The following RYR1 variants were observed in gnomAD, a reference collection of about 807,000 sequenced individuals.
The protein encoded by RYR1 is ryanodine receptor 1.
A neutral mutation model predicts 583.5 loss-of-function variants in RYR1; 342 were observed. The observed-to-expected ratio is 0.59, with a 90% CI of 0.54 to 0.64. The LOEUF (loss-of-function observed/expected upper bound fraction) is 0.64, where lower values mean the gene tolerates loss of function less well. RYR1 is among the 30% of genes least tolerant of loss of function. The pLI is 0.00. For missense variants in RYR1, 6,032 were observed against 6,917.2 expected (o/e 0.87, Z 4.54); for synonymous variants, 2,791 against 2,822.5 (o/e 0.99, Z 0.35).
At chr19:38,474,922 G>A (rs113748571) in intron 28 of RYR1, among the ~76,000 whole-genome samples, 5 of 152,242 alleles carry the variant, frequency 3.3e-5, no homozygotes, top group African/African-American at 1.2e-4. Context: ...GGGAGGGGCT[G>A]CTGCTGCTGG....
chr19:38,460,293 G>T (rs1967656131), intron 19 of RYR1, 82 bp from the exon 20 acceptor site: 5 of 1,282,706 alleles, frequency 3.9e-6, no homozygotes, highest in Non-Finnish European at 5.7e-6. Flanking sequence ...TTGATCCCAG[G>T]ACTGCTTCCA....
Position 38,510,529 on chromosome 19 carries a change from G to T in RYR1, c.8964G>T (p.Lys2988Asn). The T allele has an allele frequency of 6.2e-7, 1 of 1,614,156 alleles. No individual in the cohort carries two copies. Among genetic ancestry groups the T allele is most frequent in the Non-Finnish European group, 8.5e-7 (1 of 1,180,042 alleles). The change falls in exon 59 of 106, where the codon AAG becomes AAT. Residue 2988 changes from lysine to asparagine, a missense_variant. Lys to Asn is a moderately conservative substitution (Grantham distance 94, BLOSUM62 0). Around this residue, in one of 11 missense-constraint regions of RYR1, gnomAD observed 1,493 missense variants for 1,715.5 expected, o/e 0.87. Transcript: ENST00000359596. The part of the protein sequence containing the change: ...EAVVSSGRVE[K>N]SPHEQEIKFF... ...TGGTCAGCAGTGGGCGAGTGGAAAA[G>T]TCCCCACATGAACAGGAGATTAAAT...
In RYR1 at chr19:38,585,933, C is replaced by G; in HGVS notation, c.14804-5C>G. On this transcript the variant is annotated splice_polypyrimidine_tract_variant and splice_region_variant and intron_variant, in intron 102 of 105. Coordinates refer to ENST00000359596, the MANE Select transcript of RYR1 (RefSeq NM_000540.3). The stretch of plus-strand genomic sequence containing the variant: ...CGGGCACTGACTTGTGTCCTGCCAC[C>G]CCAGGTCTGATCATCGACGCTTTTG... The G allele has an allele frequency of 1.2e-6, 2 of 1,613,890 alleles. No homozygotes were observed. Among genetic ancestry groups the G allele is most frequent in the Non-Finnish European group, 1.7e-6 (2 of 1,179,986 alleles).
chr19:38,474,274 CT>C (rs565024935), intron 28 of RYR1, among the ~76,000 whole-genome samples: 35 of 147,268 alleles, frequency 2.4e-4, no homozygotes, highest in Admixed American at 4.8e-4. Context: ...TTCTTTCTAT[CT>C]TTTTTTTTTT....
chr19:38,456,078 T>A (rs758152608), intron 16 of RYR1, among the ~76,000 whole-genome samples: 5 of 150,054 alleles, frequency 3.3e-5, no homozygotes, highest in Admixed American at 2.7e-4. Context: ...TTCAAGCGAT[T>A]CTCCTGCCTC....
intron 65 of RYR1, 146 bp downstream of exon 65, chr19:38,516,363 G>C (rs1308399592): frequency 1.1e-6 from 1 of 891,734 alleles, no homozygotes; most frequent in Non-Finnish European, 1.7e-6. Context: ...ACACATTCAG[G>C]AACCCCAGAG....
chr19:38,526,294 C>T (rs1440221115), intron 71 of RYR1, among the ~76,000 whole-genome samples: 3 of 151,986 alleles, frequency 2.0e-5, no homozygotes, highest in Non-Finnish European at 4.4e-5. Context: ...TTCAGGGACT[C>T]TAAGGAACCC....
chr19:38,474,707 T>A (rs1968624479), intron 28 of RYR1, among the ~76,000 whole-genome samples: 1 of 151,274 alleles, frequency 6.6e-6, no homozygotes. Context: ...CTTGAGTATC[T>A]GGGACTACAG....
At position 38,485,891 on chromosome 19, in the gene RYR1, C is replaced by T. The variant is rs776001584; in HGVS notation, c.5236C>T (p.Leu1746Phe). 1 of 1,613,788 alleles carries T rather than the reference C, an allele frequency of 6.2e-7. No individual in the cohort carries two copies. The highest frequency in any genetic ancestry group is 8.5e-7 in the Non-Finnish European group (1 of 1,179,958). ...PLTPETRAIT[L>F]FPPGRSTENG... ...CACGCCTGAGACCCGCGCCATCACG[C>T]TCTTCCCTCCTGGAAGGAGCACAGA... Residue 1746 changes from leucine to phenylalanine, a missense_variant, in exon 34 of 106, where the codon CTC (leucine) becomes TTC (phenylalanine). Around this residue, in one of 11 missense-constraint regions of RYR1, gnomAD observed 2,627 missense variants for 2,961.3 expected, o/e 0.89. Coordinates refer to ENST00000359596, the MANE Select transcript of RYR1 (RefSeq NM_000540.3).
In RYR1 at chr19:38,452,009, C is replaced by A. The variant is rs1600665526; in HGVS notation, c.1244+124C>A. 8.1e-6 allele frequency: 11 copies of A among 1,362,770 alleles called. No individual in the cohort carries two copies. The East Asian group carries it at 2.6e-4, about 32-fold the overall frequency. The allele number at this position is 1,362,770 out of a possible 1,614,324, so 84.4% of individuals were successfully genotyped here. Reference sequence around the variant, plus strand: ...CACCCTTGTCTAACATATACATGGGCCAAGCGCAGTGGCTCACACCTGTAA... The same window carrying A: ...CACCCTTGTCTAACATATACATGGGACAAGCGCAGTGGCTCACACCTGTAA... On this transcript the variant is annotated intron_variant, in intron 12 of 105. Coordinates refer to ENST00000359596, the MANE Select transcript of RYR1 (RefSeq NM_000540.3).
chr19:38,516,486 CA>C (rs1195467376), intron 65 of RYR1, among the ~76,000 whole-genome samples: 2 of 152,126 alleles, frequency 1.3e-5, no homozygotes, highest in African/African-American at 2.4e-5. Flanking sequence ...ACTTGGTGGC[CA>C]GGCGCAGTGG....
Position 38,580,396 on chromosome 19 carries a change from G to C in RYR1, c.14538G>C (p.Ala4846=), listed in dbSNP as rs763954439. The C allele has an allele frequency of 1.1e-4, 170 of 1,614,046 alleles. No homozygotes were observed. The highest frequency in any genetic ancestry group is 1.3e-4 in the Non-Finnish European group (158 of 1,180,044). ...TGGTGATGACCGTGGGCCTTCTGGC[G>C]GTGGTCGTCTACCTGTACACCGTGG... is the stretch of plus-strand genomic sequence containing the variant. The part of the protein sequence containing the change: ...KQLVMTVGLL[A]VVVYLYTVVA... Residue 4846 remains alanine (A), a synonymous_variant, in exon 101 of 106, where the codon GCG becomes GCC. Transcript: ENST00000359596.
At chr19:38,486,300 A>G (rs988118426) in intron 34 of RYR1, 98 bp downstream of exon 34, 58 of 1,432,236 alleles carry the variant, frequency 4.0e-5, no homozygotes, top group Non-Finnish European at 5.2e-5. Flanking sequence ...TATGCATCCA[A>G]CCACCCATTC....
At chr19:38,527,538 C>G in intron 72 of RYR1, 109 bp from the exon 73 acceptor site, 1 of 1,373,620 alleles carries the variant, frequency 7.3e-7, no homozygotes, top group Non-Finnish European at 1.0e-6. Flanking sequence ...AGAAGAAAGG[C>G]CTCAACATGC....
In RYR1 at chr19:38,506,287, C is replaced by T; in HGVS notation, c.8542-16C>T. On this transcript the variant is annotated splice_polypyrimidine_tract_variant and intron_variant, in intron 54 of 105. Coordinates refer to ENST00000359596, the MANE Select transcript of RYR1 (RefSeq NM_000540.3). Reference sequence around the variant, plus strand: ...AGCCCATCAGCCCACCTCCCATCTTCCCCTTGTCCTCTCAGACCTATGATC... The same window carrying T: ...AGCCCATCAGCCCACCTCCCATCTTTCCCTTGTCCTCTCAGACCTATGATC... 6.2e-7 allele frequency: 1 copy of T among 1,613,746 alleles called. No homozygotes were observed.
intron 66 of RYR1, among the ~76,000 whole-genome samples, chr19:38,518,068 G>A (rs2018776559): frequency 6.6e-6 from 1 of 152,064 alleles, no homozygotes; most frequent in Non-Finnish European, 1.5e-5. Context: ...GCAGTGAGCT[G>A]TGATTGCACC....
At chr19:38,551,839 T>G (rs1307886597) in intron 89 of RYR1, among the ~76,000 whole-genome samples, 1 of 152,184 alleles carries the variant, frequency 6.6e-6, no homozygotes, top group Non-Finnish European at 1.5e-5. Context: ...GCCTGAGCCC[T>G]CCACCTTCAT....
Position 38,502,608 on chromosome 19 carries a change from A to G in RYR1, c.7716A>G (p.Thr2572=). 2 of 1,612,982 alleles carry G rather than the reference A, an allele frequency of 1.2e-6. No homozygotes were observed. The highest frequency in any genetic ancestry group is 8.5e-7 in the Non-Finnish European group (1 of 1,179,918). ...ITKCAPLFAG[T]EHRAIMVDSM... is the part of the protein sequence containing the mutation. ...AGTGTGCGCCGCTCTTTGCGGGCAC[A>G]GAACACCGCGCCATCATGGTGGACT... Residue 2572 remains threonine, a synonymous_variant, in exon 48 of 106, where the codon ACA becomes ACG. Transcript: ENST00000359596.
chr19:38,519,641 G>C (rs377614687), intron 67 of RYR1, among the ~76,000 whole-genome samples, 187 bp downstream of exon 67: 3 of 151,992 alleles, frequency 2.0e-5, no homozygotes, highest in African/African-American at 7.2e-5. Flanking sequence ...CAGCCCACTT[G>C]TTTGTTTCTT....
Sources: allele counts gnomAD v4.1 joint callset (sites outside exome capture counted in the v4.1 genomes callset), GRCh38; gene constraint gnomAD v4.1.1; regional missense constraint gnomAD v4.1.1; transcripts MANE v1.5; gene names NCBI Gene and HGNC (gene_info 2026-07-23, HGNC 2026-07-21).